Variants in COL24A1 observed in about 807,000 individuals in gnomAD.
The protein encoded by COL24A1 is collagen alpha-1(XXIV) chain.
Under a neutral mutation model 253.9 loss-of-function variants are expected in COL24A1, and 224 were observed. The ratio of observed to expected loss-of-function variants is 0.88; its 90% CI spans 0.79 to 0.99. The LOEUF is 0.99. Ranked by LOEUF, COL24A1 falls within the 50% of genes least tolerant of loss-of-function variation. The pLI, the probability that COL24A1 is intolerant of heterozygous loss-of-function variation, is 0.00. For synonymous variants in COL24A1, 685 were observed against 673.7 expected (o/e 1.02, Z -0.26); for missense variants, 2,131 against 2,068.5 (o/e 1.03, Z -0.59).
intron 2 of COL24A1, among the ~76,000 whole-genome samples, chr1:86,145,869 A>C (rs866891317): frequency 1.3e-5 from 2 of 152,040 alleles, no homozygotes; most frequent in African/African-American, 4.8e-5. Context: ...ATTGTACAAA[A>C]CTTCTTTTTT....
intron 10 of COL24A1, among the ~76,000 whole-genome samples, chr1:86,053,530 T>C (rs1700464769): frequency 6.6e-6 from 1 of 151,762 alleles, no homozygotes; most frequent in African/African-American, 2.4e-5. Context: ...GAAACTAGAG[T>C]TTACCGTGTA....
chr1:85,800,984 C>T (rs912007804), intron 47 of COL24A1, among the ~76,000 whole-genome samples: 60 of 152,134 alleles, frequency 3.9e-4, no homozygotes, highest in African/African-American at 1.4e-3. Flanking sequence ...AACATCAACA[C>T]AAAAACCCCA....
intron 19 of COL24A1, among the ~76,000 whole-genome samples, chr1:85,997,055 G>GTGTGTGTGTGTGTGTA: frequency 1.1e-5 from 1 of 95,120 alleles, no homozygotes; most frequent in Non-Finnish European, 2.4e-5. Context: ...GTGTGTGTGT[G>GTGTGTGTGTGTGTGTA]TATATATATA....
chr1:86,070,519 T>G (rs1268025652), intron 7 of COL24A1, among the ~76,000 whole-genome samples: 1 of 152,180 alleles, frequency 6.6e-6, no homozygotes, highest in African/African-American at 2.4e-5. Flanking sequence ...CTAAAAAGAC[T>G]ACCTCAAGGT....
At chr1:85,758,918 A>G (rs905138753) in intron 55 of COL24A1, among the ~76,000 whole-genome samples, 2 of 152,158 alleles carry the variant, frequency 1.3e-5, no homozygotes, top group African/African-American at 2.4e-5. Context: ...TTGTTCAACC[A>G]CTACCATGAT....
chr1:86,125,128 T>A lies in COL24A1; in HGVS notation c.1208A>T (p.Asp403Val), dbSNP rs745910241. The change falls in exon 3 of 60, where the codon GAT becomes GTT. Residue 403 changes from aspartate to valine, a missense_variant. Transcript: ENST00000370571. ...MPSILPQIKQDTITNLKKAIT... is the reference protein window; with the variant it reads ...MPSILPQIKQVTITNLKKAIT... The stretch of plus-strand genomic sequence containing the variant: ...AGCCTTCTTGAGATTAGTAATTGTA[T>A]CTTGTTTAATTTGTGGAAGAATAGA... The A allele has an allele frequency of 6.8e-6, 11 of 1,613,300 alleles. No homozygotes were observed. Among genetic ancestry groups the A allele is most frequent in the Non-Finnish European group, 8.5e-6 (10 of 1,179,738 alleles).
At chr1:85,816,159 G>A (rs1432892954) in intron 47 of COL24A1, among the ~76,000 whole-genome samples, 4 of 151,908 alleles carry the variant, frequency 2.6e-5, no homozygotes, top group African/African-American at 9.7e-5. Flanking sequence ...TGCTCCTTAG[G>A]GGATTAGTTC....
At chr1:85,744,291 G>A (rs1218298897) in intron 57 of COL24A1, among the ~76,000 whole-genome samples, 1 of 151,918 alleles carries the variant, frequency 6.6e-6, no homozygotes, top group East Asian at 1.9e-4. Flanking sequence ...AAAAAACCCA[G>A]ACTTTTAGGG....
chr1:85,823,345 A>G (rs926360554), intron 45 of COL24A1, among the ~76,000 whole-genome samples, 191 bp downstream of exon 45: 1 of 152,192 alleles, frequency 6.6e-6, no homozygotes, highest in Non-Finnish European at 1.5e-5. Flanking sequence ...AATAGTCAAA[A>G]CAAATGACTC....
rs72943845 is a variant in COL24A1, at chr1:86,110,987, G to A, written c.1599+1580C>T. 2.8e-3 allele frequency among the ~76,000 whole-genome samples: 421 copies of A among 152,326 alleles called. 3 individuals carry two copies. The highest frequency in any genetic ancestry group is 9.6e-3 in the African/African-American group (399 of 41,584). ...CGACCGTTGCCCCTGCATGACATCCGCTAGGGGAAGCCAGCTGGGCTCCTG... is the reference window on the plus strand; with the variant it reads ...CGACCGTTGCCCCTGCATGACATCCACTAGGGGAAGCCAGCTGGGCTCCTG... On this transcript the variant is annotated intron_variant, in intron 5 of 59. Coordinates refer to ENST00000370571, the MANE Select transcript of COL24A1 (RefSeq NM_152890.7).
intron 43 of COL24A1, among the ~76,000 whole-genome samples, chr1:85,825,448 A>G (rs1258703882): frequency 6.6e-6 from 1 of 152,178 alleles, no homozygotes; most frequent in Non-Finnish European, 1.5e-5. Flanking sequence ...CAGTAATGGG[A>G]TGGCTGGGTC....
intron 28 of COL24A1, among the ~76,000 whole-genome samples, chr1:85,898,551 C>G (rs565809861): frequency 4.1e-4 from 63 of 152,308 alleles, no homozygotes; most frequent in African/African-American, 1.5e-3. Context: ...GACTGAAAAA[C>G]TGAACTACAG....
chr1:86,102,986 T>C (rs1704602636), intron 5 of COL24A1, among the ~76,000 whole-genome samples: 1 of 152,226 alleles, frequency 6.6e-6, no homozygotes, highest in African/African-American at 2.4e-5. Context: ...GGTATGAAAG[T>C]ATCCCACTAT....
chr1:86,095,613 T>C (rs1372565776), intron 5 of COL24A1, among the ~76,000 whole-genome samples: 1 of 152,092 alleles, frequency 6.6e-6, no homozygotes, highest in African/African-American at 2.4e-5. Context: ...GTATCAACTG[T>C]TGGACTCTTG....
At position 85,784,506 on chromosome 1, in the gene COL24A1, C is replaced by A; in HGVS notation, c.4060-140G>T. 3 of 598,236 alleles carry A rather than the reference C, an allele frequency of 5.0e-6. No individual in the cohort carries two copies. In the South Asian group the frequency reaches 6.7e-5, roughly 13 times the overall value. 37.1% of individuals were successfully genotyped at this position (598,236 alleles called of 1,614,324 possible). A position where few individuals can be genotyped will look rare whatever the true frequency, so the allele number is the denominator to read the frequency against. The stretch of plus-strand genomic sequence containing the variant: ...CTGGGGAAATCAAATTTTGCATGTT[C>A]ATCTTGTTCACCAATATTTTCCACA... On this transcript the variant is annotated intron_variant, in intron 48 of 59. Transcript: ENST00000370571.
chr1:86,117,405 C>A (rs11579660), intron 3 of COL24A1, among the ~76,000 whole-genome samples: 6,060 of 152,312 alleles, frequency 0.04, 176 homozygotes, highest in Non-Finnish European at 0.067. Context: ...AACTACCAAA[C>A]ATGCCAGCAC....
Position 85,819,658 on chromosome 1 carries a change from C to T in COL24A1, c.3790-1571G>A, listed in dbSNP as rs143483758. Among the ~76,000 whole-genome samples the T allele has an allele frequency of 7.8e-3, 1,186 of 151,798 alleles. 4 individuals are homozygous for T. The highest frequency in any genetic ancestry group is 0.013 in the Non-Finnish European group (916 of 67,966). Reference sequence around the variant, plus strand: ...AAGGACTCAAGTCATAAAATTTATGCTATAAAGAACAGATTTAAAATAATA... The same window carrying T: ...AAGGACTCAAGTCATAAAATTTATGTTATAAAGAACAGATTTAAAATAATA... On this transcript the variant is annotated intron_variant, in intron 45 of 59. Transcript: ENST00000370571.
chr1:85,919,645 C>T lies in COL24A1; in HGVS notation c.2563-8212G>A, dbSNP rs576292359. Among the ~76,000 whole-genome samples, 83 of 152,266 alleles carry T rather than the reference C, an allele frequency of 5.5e-4. 3 individuals carry two copies. The South Asian group carries it at 0.017, about 32-fold the overall frequency. On this transcript the variant is annotated intron_variant, in intron 24 of 59. Transcript: ENST00000370571. ...CAGTGGAGCAATGATTGCATCACTG[C>T]ACTCCAGTCTGGGTGACACAGTGAG...
intron 7 of COL24A1, among the ~76,000 whole-genome samples, chr1:86,080,714 G>A (rs1422276066): frequency 6.6e-6 from 1 of 151,872 alleles, no homozygotes; most frequent in Non-Finnish European, 1.5e-5. Flanking sequence ...TTATCAATAC[G>A]TTACCACACA....
Sources: gnomAD v4.1 joint callset for allele counts (sites outside exome capture counted in the v4.1 genomes callset) on GRCh38, gnomAD v4.1.1 for gene constraint, MANE v1.5 for transcripts, NCBI Gene and HGNC (gene_info 2026-07-23, HGNC 2026-07-21) for gene names.